MEOX2: variants seen among roughly 807,000 people sequenced by gnomAD.
MEOX2 encodes the protein mesenchyme homeobox 2.
In MEOX2, 11 loss-of-function variants were observed where a neutral mutation model predicts 27.0. The ratio of observed to expected loss-of-function variants is 0.41; its 90% CI spans 0.26 to 0.68. The LOEUF (loss-of-function observed/expected upper bound fraction) is 0.68, where lower values mean the gene tolerates loss of function less well. Ranked by LOEUF, MEOX2 falls within the 30% of genes least tolerant of loss-of-function variation. MEOX2 has a pLI of 0.33. For missense variants in MEOX2, 436 were observed against 385.4 expected, an observed-to-expected ratio of 1.13 and a Z score of -1.10; for synonymous variants, 189 against 155.4, an observed-to-expected ratio of 1.22 and a Z score of -1.61.
intron 2 of MEOX2, among the ~76,000 whole-genome samples, chr7:15,613,310 G>T (rs1583732601): frequency 6.6e-6 from 1 of 151,150 alleles, no homozygotes; most frequent in East Asian, 1.9e-4. Context: ...CTTTGTACAG[G>T]TATTTTCTTT....
intron 1 of MEOX2, among the ~76,000 whole-genome samples, chr7:15,659,004 T>C (rs1239213256): frequency 1.3e-5 from 2 of 152,140 alleles, no homozygotes; most frequent in Non-Finnish European, 2.9e-5. Context: ...AATGAGCCAG[T>C]ACTTTCTTTT....
intron 2 of MEOX2, among the ~76,000 whole-genome samples, chr7:15,625,715 G>T (rs1178315740): frequency 6.6e-6 from 1 of 152,126 alleles, no homozygotes; most frequent in Non-Finnish European, 1.5e-5. Flanking sequence ...TGCCTTTCAG[G>T]AATGTTTTTG....
chr7:15,672,686 A>T (rs1043553557), intron 1 of MEOX2, among the ~76,000 whole-genome samples: 18 of 152,064 alleles, frequency 1.2e-4, no homozygotes, highest in Non-Finnish European at 1.3e-4. Flanking sequence ...AGGTCAGGAG[A>T]TCAAGACCAT....
Position 15,640,767 on chromosome 7 carries a change from C to T in MEOX2, c.518-13849G>A, listed in dbSNP as rs568783810. Reference sequence around the variant, plus strand: ...TGGATTTTAACAAATGCTTTTTCTGCATCTACTGAGATTATCATATGGTTT... The same window carrying T: ...TGGATTTTAACAAATGCTTTTTCTGTATCTACTGAGATTATCATATGGTTT... On this transcript the variant is annotated intron_variant, in intron 1 of 2. Coordinates refer to ENST00000262041, the MANE Select transcript of MEOX2 (RefSeq NM_005924.5). Among the ~76,000 whole-genome samples the T allele has an allele frequency of 2.6e-5, 4 of 152,224 alleles. No individual in the cohort carries two copies. In the East Asian group the frequency reaches 7.7e-4, roughly 29 times the overall value.
At chr7:15,661,232 T>A (rs1562609524) in intron 1 of MEOX2, among the ~76,000 whole-genome samples, 2 of 152,050 alleles carry the variant, frequency 1.3e-5, no homozygotes, top group Non-Finnish European at 2.9e-5. Flanking sequence ...GTGGCTATCT[T>A]TTTTCCTTAC....
chr7:15,662,344 A>G (rs1005970443), intron 1 of MEOX2, among the ~76,000 whole-genome samples: 2 of 152,064 alleles, frequency 1.3e-5, no homozygotes, highest in South Asian at 2.1e-4. Context: ...TTCTTAAACT[A>G]AAAGCAATTA....
intron 1 of MEOX2, among the ~76,000 whole-genome samples, chr7:15,645,617 GT>G (rs1357310204): frequency 6.6e-6 from 1 of 151,986 alleles, no homozygotes. Flanking sequence ...GAATTGGTTG[GT>G]AAAAAACACC....
intron 1 of MEOX2, among the ~76,000 whole-genome samples, chr7:15,655,070 A>G (rs1781797287): frequency 6.6e-6 from 1 of 151,694 alleles, no homozygotes; most frequent in African/African-American, 2.4e-5. Context: ...TAAATTTAGA[A>G]CTATTCAAAA....
intron 1 of MEOX2, among the ~76,000 whole-genome samples, chr7:15,649,599 C>T (rs1781705255): frequency 6.6e-6 from 1 of 151,990 alleles, no homozygotes. Context: ...ACTGACTAGT[C>T]AGTGCAGGAA....
chr7:15,659,309 C>A (rs1045313835), intron 1 of MEOX2, among the ~76,000 whole-genome samples: 2 of 151,638 alleles, frequency 1.3e-5, no homozygotes, highest in Non-Finnish European at 2.9e-5. Flanking sequence ...TTTTTGCAAC[C>A]AATTTTCATA....
intron 2 of MEOX2, among the ~76,000 whole-genome samples, chr7:15,620,777 G>C (rs1233690310): frequency 6.6e-6 from 1 of 152,136 alleles, no homozygotes; most frequent in African/African-American, 2.4e-5. Context: ...CGTTAGGTGG[G>C]ATTTTCCATT....
chr7:15,670,511 C>G (rs1373753965), intron 1 of MEOX2, among the ~76,000 whole-genome samples: 1 of 152,152 alleles, frequency 6.6e-6, no homozygotes, highest in Non-Finnish European at 1.5e-5. Context: ...GACTGTCCAG[C>G]TGGAGTTACT....
At chr7:15,635,475 C>A (rs1168325840) in intron 1 of MEOX2, among the ~76,000 whole-genome samples, 1 of 151,930 alleles carries the variant, frequency 6.6e-6, no homozygotes, top group South Asian at 2.1e-4. Flanking sequence ...CTATTGTCTC[C>A]CCTGTGCTCA....
intron 2 of MEOX2, among the ~76,000 whole-genome samples, chr7:15,617,113 A>G (rs1781136802): frequency 6.6e-6 from 1 of 152,040 alleles, no homozygotes; most frequent in Non-Finnish European, 1.5e-5. Context: ...AATAACCCAT[A>G]TTTATGTAAC....
chr7:15,618,126 C>G (rs1781151556), intron 2 of MEOX2, among the ~76,000 whole-genome samples: 1 of 151,932 alleles, frequency 6.6e-6, no homozygotes, highest in Admixed American at 6.6e-5. Context: ...TTTAACTTGG[C>G]CTTTAGTAAA....
At chr7:15,635,272 T>G (rs1481528866) in intron 1 of MEOX2, among the ~76,000 whole-genome samples, 1 of 151,980 alleles carries the variant, frequency 6.6e-6, no homozygotes, top group East Asian at 1.9e-4. Context: ...ATACATTTTA[T>G]GAACTCCTGA....
intron 1 of MEOX2, among the ~76,000 whole-genome samples, chr7:15,650,854 C>A (rs997144374): frequency 6.6e-5 from 10 of 152,030 alleles, no homozygotes; most frequent in Admixed American, 3.9e-4. Context: ...CAGAGGCACT[C>A]GATCTGCCTG....
At chr7:15,683,895 G>T (rs1230424527) in intron 1 of MEOX2, among the ~76,000 whole-genome samples, 1 of 152,040 alleles carries the variant, frequency 6.6e-6, no homozygotes, top group African/African-American at 2.4e-5. Context: ...ATATTTGCTT[G>T]TTTTTCCAGT....
At chr7:15,660,161 G>T (rs555343076) in intron 1 of MEOX2, among the ~76,000 whole-genome samples, 1 of 152,182 alleles carries the variant, frequency 6.6e-6, no homozygotes, top group South Asian at 2.1e-4. Flanking sequence ...AAAAATAAGG[G>T]TATTCCACCC....
Sources: allele counts gnomAD v4.1 joint callset (sites outside exome capture counted in the v4.1 genomes callset), GRCh38; gene constraint gnomAD v4.1.1; transcripts MANE v1.5; gene names NCBI Gene and HGNC (gene_info 2026-07-23, HGNC 2026-07-21).